The following SCARF1 variants were observed in gnomAD, a reference collection of about 807,000 sequenced individuals.
The protein encoded by SCARF1 is acetyl LDL receptor.
Under a neutral mutation model 76.3 loss-of-function variants are expected in SCARF1, and 49 were observed. The observed-to-expected ratio is 0.64, with a 90% CI of 0.51 to 0.81. The LOEUF (loss-of-function observed/expected upper bound fraction) is 0.81, where lower values mean the gene tolerates loss of function less well. Ranked by LOEUF, SCARF1 falls within the 40% of genes least tolerant of loss-of-function variation. The pLI, the probability that SCARF1 is intolerant of heterozygous loss-of-function variation, is 0.00. For synonymous variants in SCARF1, 495 were observed against 474.6 expected (o/e 1.04, Z -0.56); for missense variants, 1,098 against 1,143.9 (o/e 0.96, Z 0.58).
Position 1,645,468 on chromosome 17 carries a change from CT to C in SCARF1, c.101+128del. The C allele has an allele frequency of 6.6e-7, 1 of 1,525,278 alleles. No individual in the cohort carries two copies. The highest frequency in any genetic ancestry group is 8.8e-7 in the Non-Finnish European group (1 of 1,142,420). The allele number at this position is 1,525,278 out of a possible 1,614,324, so 94.5% of individuals were successfully genotyped here. A position where few individuals can be genotyped will look rare whatever the true frequency, so the allele number is the denominator to read the frequency against. Reference sequence around the variant, plus strand: ...CCAGACCGCCATCAGCAGTCCCTTCCTTTCAGCCTAAGCCCCCTTCCTAGTC... The same window carrying C: ...CCAGACCGCCATCAGCAGTCCCTTCCTTCAGCCTAAGCCCCCTTCCTAGTC... On this transcript the variant is annotated intron_variant, in intron 1 of 10. Transcript: ENST00000263071. This position sits in a 1 kb window ranked among gnomAD's most constrained non-coding sequence, Gnocchi z 6.3.
At chr17:1,638,751 C>G in intron 8 of SCARF1, 55 bp downstream of exon 8, 3 of 1,465,292 alleles carry the variant, frequency 2.0e-6, no homozygotes, top group Non-Finnish European at 2.7e-6. Context: ...CAGATGCCCC[C>G]CTGCTCCCAC....
rs775886804 is a variant in SCARF1, at chr17:1,635,318, C to A, written c.1933G>T (p.Glu645Ter). 1.2e-6 allele frequency: 2 copies of A among 1,612,370 alleles called. No homozygotes were observed. The highest frequency in any genetic ancestry group is 1.7e-6 in the Non-Finnish European group (2 of 1,179,366). ...GGACTGGCAGCCGCCGGAAAGGACT[C>A]GGGGGCTTCTGCTTCCTCTGGGCCT... ...STGPEEAEAP[E>*]SFPAAASPGD... Residue 645 changes from glutamate (E) to a stop codon, truncating the protein, a stop_gained, in exon 11 of 11, where the codon GAG (glutamate) becomes TAG (stop). Coordinates refer to ENST00000263071, the MANE Select transcript of SCARF1 (RefSeq NM_003693.4). LOFTEE classifies it low-confidence loss of function (END_TRUNC).
Position 1,644,648 on chromosome 17 carries a change from T to G in SCARF1, c.265+186A>C. On this transcript the variant is annotated intron_variant, in intron 3 of 10. Coordinates refer to ENST00000263071, the MANE Select transcript of SCARF1 (RefSeq NM_003693.4). The surrounding 1 kb of genome is among the most constrained non-coding windows in gnomAD (Gnocchi z 4.8). ...TTTGTGGATGTGGGTAAAAACCCGGTGACTCAGGTCATCTCCCGGGAGTGT... is the reference window on the plus strand; with the variant it reads ...TTTGTGGATGTGGGTAAAAACCCGGGGACTCAGGTCATCTCCCGGGAGTGT... The G allele has an allele frequency of 1.6e-6, 1 of 617,126 alleles. No homozygotes were observed. Among genetic ancestry groups the G allele is most frequent in the East Asian group, 2.8e-5 (1 of 36,302 alleles). 38.2% of individuals were successfully genotyped at this position (617,126 alleles called of 1,614,324 possible).
intron 7 of SCARF1, among the ~76,000 whole-genome samples, chr17:1,639,223 G>T (rs1909839023): frequency 6.6e-6 from 1 of 152,184 alleles, no homozygotes; most frequent in Non-Finnish European, 1.5e-5. Flanking sequence ...GAATGTCTCT[G>T]GGCCGGGCAC....
rs1909635047 is a variant in SCARF1 at position 1,637,054 on chromosome 17, C to G, written c.1373G>C (p.Arg458Thr). 1.2e-6 allele frequency: 2 copies of G among 1,613,920 alleles called. No individual in the cohort carries two copies. The change falls in exon 9 of 11, where the codon AGA becomes ACA. Residue 458 changes from arginine (R) to threonine (T), a missense_variant. Transcript: ENST00000263071. The stretch of plus-strand genomic sequence containing the variant: ...CATCCTGGACACGGTAGCTCCATCT[C>G]TCGCTGGCCTGAGGGAGGAGGGTAG... ...PRSDLKDRPA[R>T]DGATVSRMKL...
chr17:1,643,985 G>C lies in SCARF1; in HGVS notation c.266-18C>G. On this transcript the variant is annotated intron_variant, in intron 3 of 10. Transcript: ENST00000263071. ...CGGGCAGCCTGCGGGGGTGGGGACG[G>C]GAGGGGTCAGCGGGCTCAGGGCCGC... 7.6e-7 allele frequency: 1 copy of C among 1,314,042 alleles called. No homozygotes were observed. The highest frequency in any genetic ancestry group is 2.9e-4 in the Middle Eastern group (1 of 3,452). The allele number at this position is 1,314,042 out of a possible 1,614,324, so 81.4% of individuals were successfully genotyped here. A position where few individuals can be genotyped will look rare whatever the true frequency, so the allele number is the denominator to read the frequency against.
rs1293531083 is a variant in SCARF1, at chr17:1,643,976, G to T, written c.266-9C>A. On this transcript the variant is annotated splice_polypyrimidine_tract_variant and intron_variant, in intron 3 of 10. Coordinates refer to ENST00000263071, the MANE Select transcript of SCARF1 (RefSeq NM_003693.4). Reference sequence around the variant, plus strand: ...GTACTGGCCCGGGCAGCCTGCGGGGGTGGGGACGGGAGGGGTCAGCGGGCT... The same window carrying T: ...GTACTGGCCCGGGCAGCCTGCGGGGTTGGGGACGGGAGGGGTCAGCGGGCT... 7.6e-7 allele frequency: 1 copy of T among 1,321,084 alleles called. No homozygotes were observed. Among genetic ancestry groups the T allele is most frequent in the South Asian group, 2.0e-5 (1 of 49,338 alleles). The allele number at this position is 1,321,084 out of a possible 1,614,324, so 81.8% of individuals were successfully genotyped here.
chr17:1,645,078 TG>T lies in SCARF1; in HGVS notation c.163+99del. ...GCGTCACAGGAGAAACCCTGACTCC[TG>T]GTATCAGGAGGGGCAGGCCCCATGG... On this transcript the variant is annotated intron_variant, in intron 2 of 10. Coordinates refer to ENST00000263071, the MANE Select transcript of SCARF1 (RefSeq NM_003693.4). This position sits in a 1 kb window ranked among gnomAD's most constrained non-coding sequence, Gnocchi z 6.3. The T allele has an allele frequency of 6.4e-7, 1 of 1,556,486 alleles. No homozygotes were observed. The highest frequency in any genetic ancestry group is 8.8e-7 in the Non-Finnish European group (1 of 1,136,586).
Position 1,634,604 on chromosome 17 carries a change from C to A in SCARF1, c.*154G>T, listed in dbSNP as rs893007154. On this transcript the variant is annotated 3_prime_UTR_variant, in exon 11 of 11. Coordinates refer to ENST00000263071, the MANE Select transcript of SCARF1 (RefSeq NM_003693.4). ...GCCTTCCTGGGCCCCTCCGGGAGCA[C>A]TGCCAGGGGCCTGGGCCAACTGGCC... The A allele has an allele frequency of 3.7e-6, 4 of 1,088,816 alleles. No individual in the cohort carries two copies. Among genetic ancestry groups the A allele is most frequent in the Non-Finnish European group, 5.1e-6 (4 of 778,540 alleles). 67.4% of individuals were successfully genotyped at this position (1,088,816 alleles called of 1,614,324 possible).
Position 1,644,865 on chromosome 17 carries a change from C to T in SCARF1, c.234G>A (p.Lys78=), listed in dbSNP as rs1910395619. 2 of 1,613,470 alleles carry T rather than the reference C, an allele frequency of 1.2e-6. No individual in the cohort carries two copies. The highest frequency in any genetic ancestry group is 1.3e-5 in the African/African-American group (1 of 75,056). Residue 78 remains lysine (K), a synonymous_variant, in exon 3 of 11, where the codon AAG becomes AAA. Coordinates refer to ENST00000263071, the MANE Select transcript of SCARF1 (RefSeq NM_003693.4). The surrounding 1 kb of genome is among the most constrained non-coding windows in gnomAD (Gnocchi z 4.8). The part of the protein sequence containing the change: ...VCVKPGLCRC[K]PGFFGAHCSS... Reference sequence around the variant, plus strand: ...TGCAGTGGGCCCCAAAGAATCCAGGCTTGCATCGACAGAGGCCCGGCTTCA... The same window carrying T: ...TGCAGTGGGCCCCAAAGAATCCAGGTTTGCATCGACAGAGGCCCGGCTTCA...
At chr17:1,641,312 T>G (rs918509286) in intron 4 of SCARF1, among the ~76,000 whole-genome samples, 4 of 152,326 alleles carry the variant, frequency 2.6e-5, no homozygotes, top group African/African-American at 9.6e-5. Context: ...CCAGGTTCCA[T>G]GCTCTTTACG....
chr17:1,636,839 C>T lies in SCARF1; in HGVS notation c.1503G>A (p.Pro501=), dbSNP rs772375405. The change falls in exon 10 of 11, where the codon CCG becomes CCA. Residue 501 remains proline, a synonymous_variant. Coordinates refer to ENST00000263071, the MANE Select transcript of SCARF1 (RefSeq NM_003693.4). ...TGAAGCTGTGGTTGAAGGGGACCTCCGGGTCGTGATGTGAGACTGTAGAGA... is the reference window on the plus strand; with the variant it reads ...TGAAGCTGTGGTTGAAGGGGACCTCTGGGTCGTGATGTGAGACTGTAGAGA... ...LPWVTVSHHD[P]EVPFNHSFIE... is the part of the protein sequence containing the mutation. 6.2e-5 allele frequency: 100 copies of T among 1,613,862 alleles called. No homozygotes were observed. The highest frequency in any genetic ancestry group is 8.0e-5 in the African/African-American group (6 of 74,864).
intron 7 of SCARF1, 148 bp from the exon 8 acceptor site, chr17:1,639,074 A>AGGGGCAAGAACCTGTGGAG: frequency 1.2e-6 from 1 of 800,122 alleles, no homozygotes; most frequent in Non-Finnish European, 1.9e-6. Context: ...TCCCCTCCAC[A>AGGGGCAAGAACCTGTGGAG]GGTTCTTGCC....
At chr17:1,643,051 C>T (rs940455584) in intron 4 of SCARF1, among the ~76,000 whole-genome samples, 1 of 152,124 alleles carries the variant, frequency 6.6e-6, no homozygotes, top group African/African-American at 2.4e-5. Flanking sequence ...TTGAGAGGAG[C>T]ACCGCGAAGC....
chr17:1,634,597 G>C lies in SCARF1; in HGVS notation c.*161C>G. 1.0e-6 allele frequency: 1 copy of C among 974,060 alleles called. No homozygotes were observed. Among genetic ancestry groups the C allele is most frequent in the East Asian group, 2.6e-5 (1 of 38,214 alleles). 60.3% of individuals were successfully genotyped at this position (974,060 alleles called of 1,614,324 possible). Reference sequence around the variant, plus strand: ...TGCCCAGGCCTTCCTGGGCCCCTCCGGGAGCACTGCCAGGGGCCTGGGCCA... The same window carrying C: ...TGCCCAGGCCTTCCTGGGCCCCTCCCGGAGCACTGCCAGGGGCCTGGGCCA... On this transcript the variant is annotated 3_prime_UTR_variant, in exon 11 of 11. Coordinates refer to ENST00000263071, the MANE Select transcript of SCARF1 (RefSeq NM_003693.4).
chr17:1,634,874 G>A lies in SCARF1; in HGVS notation c.2377C>T (p.Pro793Ser). ...GTESSRRAQE[P>S]VSGCGSPEQD... Reference sequence around the variant, plus strand: ...TCTGGGGAGCCACAGCCAGAGACTGGCTCCTGGGCTCTCCTTGAACTCTCG... The same window carrying A: ...TCTGGGGAGCCACAGCCAGAGACTGACTCCTGGGCTCTCCTTGAACTCTCG... The change falls in exon 11 of 11, where the codon CCA becomes TCA. Residue 793 changes from proline (P) to serine (S), a missense_variant. Physicochemically the swap from Pro to Ser is moderately conservative, Grantham distance 74. Coordinates refer to ENST00000263071, the MANE Select transcript of SCARF1 (RefSeq NM_003693.4). 6.2e-7 allele frequency: 1 copy of A among 1,613,922 alleles called. No homozygotes were observed. The highest frequency in any genetic ancestry group is 8.5e-7 in the Non-Finnish European group (1 of 1,179,970).
chr17:1,634,833 C>CTTCTGGGGATCCTG lies in SCARF1; in HGVS notation c.2404_2417dup (p.Lys806AsnfsTer44). On this transcript the variant is annotated frameshift_variant, in exon 11 of 11. Coordinates refer to ENST00000263071, the MANE Select transcript of SCARF1 (RefSeq NM_003693.4). LOFTEE classifies it high-confidence loss of function. ...CCTCCTGCCTTTCCTCTTCAGCCTGCTTCTGGGGATCCTGTTCTGGGGAGC... is the reference window on the plus strand; with the variant it reads ...CCTCCTGCCTTTCCTCTTCAGCCTGCTTCTGGGGATCCTGTTCTGGGGATCCTGTTCTGGGGAGC... 6.2e-7 allele frequency: 1 copy of CTTCTGGGGATCCTG among 1,613,910 alleles called. No individual in the cohort carries two copies. The highest frequency in any genetic ancestry group is 1.1e-5 in the South Asian group (1 of 91,076).
At position 1,636,837 on chromosome 17, in the gene SCARF1, T is replaced by C. The variant is rs1225446495; in HGVS notation, c.1505A>G (p.Glu502Gly). The change falls in exon 10 of 11, where the codon GAG becomes GGG. Residue 502 changes from glutamate (E) to glycine (G), a missense_variant. Transcript: ENST00000263071. Reference protein sequence around the residue: ...PWVTVSHHDPEVPFNHSFIEP... With the variant: ...PWVTVSHHDPGVPFNHSFIEP... ...GATGAAGCTGTGGTTGAAGGGGACC[T>C]CCGGGTCGTGATGTGAGACTGTAGA... 1 of 1,613,760 alleles carries C rather than the reference T, an allele frequency of 6.2e-7. No homozygotes were observed. The highest frequency in any genetic ancestry group is 1.7e-5 in the Admixed American group (1 of 59,964).
At position 1,639,630 on chromosome 17, in the gene SCARF1, C is replaced by A; in HGVS notation, c.1243+9G>T. The A allele has an allele frequency of 6.4e-7, 1 of 1,554,658 alleles. No individual in the cohort carries two copies. The highest frequency in any genetic ancestry group is 1.2e-5 in the South Asian group (1 of 84,378). On this transcript the variant is annotated intron_variant, in intron 7 of 10. Coordinates refer to ENST00000263071, the MANE Select transcript of SCARF1 (RefSeq NM_003693.4). ...GGCTACTGCACCCCGCAGCCTTCTTCCACCTTACCTGGCTGGCAGGACCCA... is the reference window on the plus strand; with the variant it reads ...GGCTACTGCACCCCGCAGCCTTCTTACACCTTACCTGGCTGGCAGGACCCA...
Sources: allele counts gnomAD v4.1 joint callset (sites outside exome capture counted in the v4.1 genomes callset), GRCh38; gene constraint gnomAD v4.1.1; non-coding constraint Gnocchi (gnomAD v3.1); transcripts MANE v1.5; gene names NCBI Gene and HGNC (gene_info 2026-07-23, HGNC 2026-07-21).